Variants in ATIC observed in about 807,000 individuals in gnomAD.
ATIC encodes the protein bifunctional purine biosynthesis protein ATIC.
ATIC carries 64 observed loss-of-function variants against 72.5 expected under a neutral mutation model. That is an observed-to-expected ratio of 0.88 (90% CI 0.72 to 1.09). ATIC has a LOEUF of 1.09. ATIC is among the 50% of genes least tolerant of loss of function. The pLI, the probability that ATIC is intolerant of heterozygous loss-of-function variation, is 0.00. For missense variants in ATIC, 787 were observed against 732.4 expected (o/e 1.07, Z -0.86); for synonymous variants, 281 against 267.1 (o/e 1.05, Z -0.51).
chr2:215,361,861 G>GT, the ATIC span: 29,395 of 1,046,854 alleles, frequency 0.028, 2 homozygotes, highest in Middle Eastern at 0.031. Flanking sequence ...TTTATGAGTT[G>GT]TTTTTTTTTT....
Position 215,312,169 on chromosome 2 carries a change from C to A in ATIC, c.19+8C>A, listed in dbSNP as rs760847419. The A allele has an allele frequency of 6.6e-7, 1 of 1,507,432 alleles. No individual in the cohort carries two copies. The highest frequency in any genetic ancestry group is 8.8e-7 in the Non-Finnish European group (1 of 1,135,804). The allele number at this position is 1,507,432 out of a possible 1,614,324, so 93.4% of individuals were successfully genotyped here. A position where few individuals can be genotyped will look rare whatever the true frequency, so the allele number is the denominator to read the frequency against. On this transcript the variant is annotated splice_region_variant and intron_variant, in intron 1 of 15. Coordinates refer to ENST00000236959, the MANE Select transcript of ATIC (RefSeq NM_004044.7). ...TGGCTCCCGGCCAGCTCGGTGAGGC[C>A]CTAGCGGAGCGGCGCGGTCTGCGTC...
chr2:215,320,818 A>G lies in ATIC; in HGVS notation c.290+1087A>G, dbSNP rs1017746015. 1.1e-4 allele frequency among the ~76,000 whole-genome samples: 16 copies of G among 152,138 alleles called. No individual in the cohort carries two copies. The South Asian group carries it at 3.1e-3, about 30-fold the overall frequency. ...CTGCTCTTGGAACTCCTGACCTCAAATGATGCACCCACCCCGGCCTCCCAA... is the reference window on the plus strand; with the variant it reads ...CTGCTCTTGGAACTCCTGACCTCAAGTGATGCACCCACCCCGGCCTCCCAA... On this transcript the variant is annotated intron_variant, in intron 4 of 15. Coordinates refer to ENST00000236959, the MANE Select transcript of ATIC (RefSeq NM_004044.7).
chr2:215,329,248 A>C (rs1277266585), intron 7 of ATIC, among the ~76,000 whole-genome samples: 1 of 152,228 alleles, frequency 6.6e-6, no homozygotes, highest in African/African-American at 2.4e-5. Context: ...ATTCTGAGAC[A>C]AAAAAATCCC....
intron 2 of ATIC, among the ~76,000 whole-genome samples, chr2:215,316,616 A>G (rs2052712561): frequency 6.6e-6 from 1 of 152,198 alleles, no homozygotes; most frequent in African/African-American, 2.4e-5. Context: ...GAAAATATGG[A>G]CAACTATAAA....
chr2:215,325,841 C>A (rs2052817969), intron 5 of ATIC, 146 bp from the exon 6 acceptor site: 1 of 976,696 alleles, frequency 1.0e-6, no homozygotes, highest in Non-Finnish European at 1.5e-6. Context: ...GCTGGGATTC[C>A]AGGCATGAGC....
At position 215,312,599 on chromosome 2, in the gene ATIC, C is replaced by T. The variant is rs1559264134; in HGVS notation, c.121C>T (p.Leu41Phe). 6.2e-7 allele frequency: 1 copy of T among 1,614,206 alleles called. No homozygotes were observed. ...CGCTTCCGGAGGGACTGCAAAAGCTCTCAGGGATGCTGGTCTGGCAGTCAG... is the reference window on the plus strand; with the variant it reads ...CGCTTCCGGAGGGACTGCAAAAGCTTTCAGGGATGCTGGTCTGGCAGTCAG... Reference protein sequence around the residue: ...LVASGGTAKALRDAGLAVRDV... With the variant: ...LVASGGTAKAFRDAGLAVRDV... Residue 41 changes from leucine to phenylalanine, a missense_variant, in exon 2 of 16, where the codon CTC becomes TTC. Transcript: ENST00000236959.
intron 4 of ATIC, 103 bp downstream of exon 4, chr2:215,319,834 G>C (rs1465580402): frequency 1.1e-6 from 1 of 939,206 alleles, no homozygotes; most frequent in African/African-American, 1.6e-5. Context: ...AACCTTTACT[G>C]CGTACCTTCT....
At chr2:215,355,958 C>T in the ATIC span, among the ~76,000 whole-genome samples, 2 of 152,230 alleles carry the variant, frequency 1.3e-5, no homozygotes, top group South Asian at 2.1e-4. Flanking sequence ...GGATTCACTC[C>T]TCCAAAAGGC....
At position 215,312,067 on chromosome 2, in the gene ATIC, C is replaced by T; in HGVS notation, c.-76C>T. The T allele has an allele frequency of 1.3e-6, 2 of 1,523,848 alleles. No homozygotes were observed. The highest frequency in any genetic ancestry group is 1.8e-6 in the Non-Finnish European group (2 of 1,139,290). 94.4% of individuals were successfully genotyped at this position (1,523,848 alleles called of 1,614,324 possible). ...CCCTCGCTTCCTGAGCCGCCACATC[C>T]CGGCAGCCCTCCTACCTGCGCACGT... On this transcript the variant is annotated 5_prime_UTR_variant, in exon 1 of 16. Coordinates refer to ENST00000236959, the MANE Select transcript of ATIC (RefSeq NM_004044.7).
chr2:215,349,125 T>G lies in ATIC; in HGVS notation c.1535T>G (p.Phe512Cys). 1 of 1,614,090 alleles carries G rather than the reference T, an allele frequency of 6.2e-7. No individual in the cohort carries two copies. The highest frequency in any genetic ancestry group is 8.5e-7 in the Non-Finnish European group (1 of 1,180,002). Residue 512 changes from phenylalanine to cysteine, a missense_variant, in exon 15 of 16, where the codon TTT (phenylalanine) becomes TGT (cysteine). Coordinates refer to ENST00000236959, the MANE Select transcript of ATIC (RefSeq NM_004044.7). ...DEDLIKWKAL[F>C]EEVPELLTEA... is the part of the protein sequence containing the mutation. ...GATTTGATAAAGTGGAAGGCACTGT[T>G]TGAGGAAGTCCCTGAGTTACTCACT...
At chr2:215,326,217 G>C in intron 6 of ATIC, 79 bp downstream of exon 6, 1 of 1,561,850 alleles carries the variant, frequency 6.4e-7, no homozygotes, top group Non-Finnish European at 8.8e-7. Flanking sequence ...TTCAGTTCTT[G>C]GTAGATTGCA....
chr2:215,362,323 C>A, the ATIC span: 1 of 512,516 alleles, frequency 2.0e-6, no homozygotes, highest in Non-Finnish European at 3.5e-6. Flanking sequence ...AATGTCTCTT[C>A]TCTTCCTATT....
chr2:215,320,588 A>ATTTTTTTTT (rs1559267639), intron 4 of ATIC, among the ~76,000 whole-genome samples: 1 of 151,650 alleles, frequency 6.6e-6, no homozygotes, highest in East Asian at 1.9e-4. Flanking sequence ...ATTTAATTTA[A>ATTTTTTTTT]TTTTATTTTG....
intron 2 of ATIC, among the ~76,000 whole-genome samples, chr2:215,316,910 G>A (rs1363719333): frequency 6.6e-6 from 1 of 151,988 alleles, no homozygotes; most frequent in Non-Finnish European, 1.5e-5. Context: ...TTATAGGCAT[G>A]CCCCACCATG....
downstream of ATIC, among the ~76,000 whole-genome samples, chr2:215,352,586 A>G (rs569319750): frequency 0.017 from 418 of 25,054 alleles, 3 homozygotes; most frequent in African/African-American, 0.056. Flanking sequence ...CATCTCAAGA[A>G]AAAAAAAAAA....
intron 4 of ATIC, among the ~76,000 whole-genome samples, chr2:215,321,667 C>T (rs2052768449): frequency 6.6e-6 from 1 of 152,172 alleles, no homozygotes; most frequent in Non-Finnish European, 1.5e-5. Context: ...TGATTCTAGT[C>T]ATTCTAGGGG....
At chr2:215,349,425 G>A (rs1261682677) in intron 15 of ATIC, 111 bp from the exon 16 acceptor site, 4 of 1,589,114 alleles carry the variant, frequency 2.5e-6, no homozygotes, top group Middle Eastern at 1.7e-4. Flanking sequence ...TTGTTATTTT[G>A]CCTTTTTGAC....
intron 14 of ATIC, chr2:215,348,871 T>A: frequency 3.2e-6 from 1 of 315,606 alleles, no homozygotes; most frequent in South Asian, 4.0e-5. Context: ...GGCAGGAGAA[T>A]TGCTTGAACC....
At chr2:215,324,993 G>C (rs890085627) in intron 4 of ATIC, among the ~76,000 whole-genome samples, 1 of 152,084 alleles carries the variant, frequency 6.6e-6, no homozygotes, top group African/African-American at 2.4e-5. Flanking sequence ...AGTGTGACGT[G>C]GAGGGAGTAC....
Sources: gnomAD v4.1 joint callset for allele counts (sites outside exome capture counted in the v4.1 genomes callset) on GRCh38, gnomAD v4.1.1 for gene constraint, MANE v1.5 for transcripts, NCBI Gene and HGNC (gene_info 2026-07-23, HGNC 2026-07-21) for gene names.